Variants in ANKRD6 observed in about 807,000 individuals in gnomAD.
The protein encoded by ANKRD6 is ankyrin repeat domain 6.
In ANKRD6, 56 loss-of-function variants were observed where a neutral mutation model predicts 82.3. The ratio of observed to expected loss-of-function variants is 0.68; its 90% CI spans 0.55 to 0.85. The LOEUF is 0.85. ANKRD6 is among the 40% of genes least tolerant of loss of function. ANKRD6 has a pLI of 0.00. For missense variants in ANKRD6, 852 were observed against 907.6 expected (o/e 0.94, Z 0.79); for synonymous variants, 347 against 352.1 (o/e 0.99, Z 0.16).
chr6:89,609,185 G>T (rs1799559825), intron 5 of ANKRD6, among the ~76,000 whole-genome samples: 1 of 152,248 alleles, frequency 6.6e-6, no homozygotes, highest in East Asian at 1.9e-4. Flanking sequence ...TCTGAGAGCA[G>T]CAAGCTACGT....
chr6:89,599,110 C>T (rs1796527301), intron 3 of ANKRD6, among the ~76,000 whole-genome samples: 1 of 152,142 alleles, frequency 6.6e-6, no homozygotes, highest in Admixed American at 6.6e-5. Context: ...TGGTGGCTCA[C>T]ACCTGTAATC....
chr6:89,625,071 TC>T (rs1805139850), intron 13 of ANKRD6, among the ~76,000 whole-genome samples: 1 of 152,092 alleles, frequency 6.6e-6, no homozygotes, highest in South Asian at 2.1e-4. Context: ...TCACTTGAGG[TC>T]AGGAGTTCGA....
In ANKRD6 at chr6:89,630,620, G is replaced by A. The variant is rs773378003; in HGVS notation, c.1800G>A (p.Met600Ile). 1.1e-5 allele frequency: 17 copies of A among 1,613,828 alleles called. No homozygotes were observed. The highest frequency in any genetic ancestry group is 1.4e-5 in the Non-Finnish European group (16 of 1,179,848). Residue 600 changes from methionine to isoleucine, a missense_variant, in exon 16 of 16, where the codon ATG becomes ATA. Met to Ile is a conservative substitution (Grantham distance 10). Coordinates refer to ENST00000339746, the MANE Select transcript of ANKRD6 (RefSeq NM_001242809.2). The stretch of plus-strand genomic sequence containing the variant: ...AGGTCCAGACAGCCTTGCTACCCAT[G>A]AATGAGGCAGCCAGATCTGATCAGC... ...NVKVQTALLP[M>I]NEAARSDQQA...
intron 13 of ANKRD6, among the ~76,000 whole-genome samples, chr6:89,625,736 AC>A (rs1441215910): frequency 7.0e-6 from 1 of 143,800 alleles, no homozygotes; most frequent in Non-Finnish European, 1.5e-5. Flanking sequence ...ATTTGTTACA[AC>A]TTTTTTTTTT....
rs181345126 is a variant in ANKRD6, at chr6:89,556,401, T to A, written c.-143-10433T>A. Reference sequence around the variant, plus strand: ...TAGCTGACCAGCTTGTGCTGACTTGTATAAAGTTATCTTTTATTGAGGACC... The same window carrying A: ...TAGCTGACCAGCTTGTGCTGACTTGAATAAAGTTATCTTTTATTGAGGACC... On this transcript the variant is annotated intron_variant, in intron 1 of 15. Coordinates refer to ENST00000339746, the MANE Select transcript of ANKRD6 (RefSeq NM_001242809.2). Among the ~76,000 whole-genome samples, 173 of 152,358 alleles carry A rather than the reference T, an allele frequency of 1.1e-3. 1 individual carries two copies. The highest frequency in any genetic ancestry group is 9.1e-3 in the Admixed American group (139 of 15,308).
chr6:89,436,691 A>G (rs1365445351), intron 1 of ANKRD6, among the ~76,000 whole-genome samples: 1 of 152,218 alleles, frequency 6.6e-6, no homozygotes, highest in South Asian at 2.1e-4. Context: ...TTCATGTACT[A>G]TTTTTGCAAC....
Position 89,533,727 on chromosome 6 carries a change from A to AGTGTGTGT in ANKRD6, c.-143-33073_-143-33066dup, listed in dbSNP as rs59064465. On this transcript the variant is annotated intron_variant, in intron 1 of 15. Transcript: ENST00000339746. ...GAGAGAGAGAGAGAGAGAGAAAATGAGTGTGTGTGTGTGTGTGTGTGTGTG... is the reference window on the plus strand; with the variant it reads ...GAGAGAGAGAGAGAGAGAGAAAATGAGTGTGTGTGTGTGTGTGTGTGTGTGTGTGTGTG... 7.8e-3 allele frequency among the ~76,000 whole-genome samples: 1,114 copies of AGTGTGTGT among 142,092 alleles called. 15 individuals carry two copies. The highest frequency in any genetic ancestry group is 0.016 in the African/African-American group (613 of 37,654). The allele number at this position is 142,092 out of a possible 152,430, so 93.2% of individuals were successfully genotyped here.
rs1582704482 is a variant in ANKRD6, at chr6:89,458,399, C to A, written c.-144+25024C>A. ...AGGTTAAAGTCCCACAGTAGCCTGT[C>A]TGCAAGTTGAGGAGCAAGGAAGCCA... is the stretch of plus-strand genomic sequence containing the variant. On this transcript the variant is annotated intron_variant, in intron 1 of 15. Coordinates refer to ENST00000339746, the MANE Select transcript of ANKRD6 (RefSeq NM_001242809.2). 2.6e-5 allele frequency among the ~76,000 whole-genome samples: 4 copies of A among 152,318 alleles called. No homozygotes were observed. The South Asian group carries it at 8.3e-4, about 32-fold the overall frequency.
chr6:89,433,802 C>T lies in ANKRD6; in HGVS notation c.-144+427C>T, dbSNP rs1770271405. ...CCGCCTCCGAATGACCCCGTCCCTCCCCGCCCTGGACGACAGCACTAGGGT... is the reference window on the plus strand; with the variant it reads ...CCGCCTCCGAATGACCCCGTCCCTCTCCGCCCTGGACGACAGCACTAGGGT... On this transcript the variant is annotated intron_variant, in intron 1 of 15. Coordinates refer to ENST00000339746, the MANE Select transcript of ANKRD6 (RefSeq NM_001242809.2). This position sits in a 1 kb window ranked among gnomAD's most constrained non-coding sequence, Gnocchi z 4.3. 6.6e-6 allele frequency among the ~76,000 whole-genome samples: 1 copy of T among 152,240 alleles called. No homozygotes were observed. The highest frequency in any genetic ancestry group is 6.5e-5 in the Admixed American group (1 of 15,292).
At chr6:89,532,443 A>C (rs1279632141) in intron 1 of ANKRD6, among the ~76,000 whole-genome samples, 3 of 152,114 alleles carry the variant, frequency 2.0e-5, no homozygotes, top group African/African-American at 7.2e-5. Flanking sequence ...CCCCTTTCTT[A>C]AAGGGCACTT....
chr6:89,514,282 G>A (rs889223864), intron 1 of ANKRD6, among the ~76,000 whole-genome samples: 1 of 152,162 alleles, frequency 6.6e-6, no homozygotes, highest in African/African-American at 2.4e-5. Flanking sequence ...GGAGGCTGAG[G>A]CAGGAGAATC....
At chr6:89,540,066 C>G (rs1784291514) in intron 1 of ANKRD6, among the ~76,000 whole-genome samples, 1 of 152,132 alleles carries the variant, frequency 6.6e-6, no homozygotes, top group Admixed American at 6.6e-5. Context: ...CAAATCTTAG[C>G]TATTATAAAC....
intron 5 of ANKRD6, 59 bp downstream of exon 5, chr6:89,606,164 T>TC: frequency 7.3e-7 from 1 of 1,375,008 alleles, no homozygotes. Context: ...TGTGGGTTTC[T>TC]CCCCCTGTGG....
chr6:89,603,719 C>T (rs1481069776), intron 4 of ANKRD6, among the ~76,000 whole-genome samples: 2 of 152,218 alleles, frequency 1.3e-5, no homozygotes, highest in African/African-American at 4.8e-5. Context: ...AACACAGTGG[C>T]TCACGCCTGT....
intron 1 of ANKRD6, among the ~76,000 whole-genome samples, chr6:89,514,017 A>G (rs1466378831): frequency 2.6e-5 from 4 of 152,242 alleles, no homozygotes; most frequent in African/African-American, 7.2e-5. Context: ...ACCCGTGGCC[A>G]GTGGGCTGCC....
intron 5 of ANKRD6, among the ~76,000 whole-genome samples, chr6:89,608,467 A>C (rs1313020313): frequency 3.3e-5 from 5 of 151,378 alleles, no homozygotes. Context: ...CAAGATCTTC[A>C]ACAGCAATGC....
At chr6:89,493,941 A>G (rs1778316274) in intron 1 of ANKRD6, among the ~76,000 whole-genome samples, 1 of 152,234 alleles carries the variant, frequency 6.6e-6, no homozygotes, top group South Asian at 2.1e-4. Flanking sequence ...TGTTAAAGAA[A>G]AAGTTATTCT....
chr6:89,504,788 C>T (rs1178206538), intron 1 of ANKRD6, among the ~76,000 whole-genome samples: 1 of 152,186 alleles, frequency 6.6e-6, no homozygotes, highest in East Asian at 1.9e-4. Flanking sequence ...AGAACTTAGA[C>T]GTGCTGGCTT....
At chr6:89,629,261 T>A (rs544370687) in intron 15 of ANKRD6, 23 bp downstream of exon 15, 2 of 1,613,260 alleles carry the variant, frequency 1.2e-6, no homozygotes, top group African/African-American at 1.3e-5. Flanking sequence ...CAGAGAGCCC[T>A]TTTGTCCAAA....
Sources: gnomAD v4.1 joint callset for allele counts (sites outside exome capture counted in the v4.1 genomes callset) on GRCh38, gnomAD v4.1.1 for gene constraint, Gnocchi (gnomAD v3.1) non-coding constraint, MANE v1.5 for transcripts, NCBI Gene and HGNC (gene_info 2026-07-23, HGNC 2026-07-21) for gene names.